The following RAB3C variants were observed in gnomAD, a reference collection of about 807,000 sequenced individuals.
RAB3C encodes the protein RAB3C, member RAS oncogene family.
A neutral mutation model predicts 26.4 loss-of-function variants in RAB3C; 17 were observed. The ratio of observed to expected loss-of-function variants is 0.64; its 90% CI spans 0.44 to 0.97. The LOEUF (loss-of-function observed/expected upper bound fraction) is 0.97, where lower values mean the gene tolerates loss of function less well. Ranked by LOEUF, RAB3C falls within the 50% of genes least tolerant of loss-of-function variation. RAB3C has a pLI of 0.00. For synonymous variants in RAB3C, 91 were observed against 95.9 expected (o/e 0.95, Z 0.30); for missense variants, 242 against 281.9 (o/e 0.86, Z 1.01).
intron 1 of RAB3C, among the ~76,000 whole-genome samples, chr5:58,616,422 G>A (rs1199630889): frequency 6.6e-6 from 1 of 152,136 alleles, no homozygotes; most frequent in Non-Finnish European, 1.5e-5. Context: ...AAACTGTGCT[G>A]AGCAAATGTA....
chr5:58,794,644 AC>A (rs540462779), intron 3 of RAB3C: 14 of 152,322 alleles, frequency 9.2e-5, no homozygotes, highest in African/African-American at 2.6e-4. Flanking sequence ...TATTAAAAAA[AC>A]ATTTATTAAG....
chr5:58,595,978 AACTT>A (rs916037776), intron 1 of RAB3C, among the ~76,000 whole-genome samples: 12 of 152,178 alleles, frequency 7.9e-5, no homozygotes, highest in Admixed American at 2.6e-4. Context: ...TAATGTTTTA[AACTT>A]ACTTTTGTTT....
chr5:58,824,973 T>G (rs1318603044), intron 3 of RAB3C, 65 bp from the exon 4 acceptor site: 2 of 1,140,334 alleles, frequency 1.8e-6, no homozygotes, highest in Non-Finnish European at 2.5e-6. Flanking sequence ...AATGTATTTC[T>G]TCTCCTTCAT....
chr5:58,693,825 C>T (rs1748629984), intron 2 of RAB3C, among the ~76,000 whole-genome samples: 1 of 152,204 alleles, frequency 6.6e-6, no homozygotes, highest in South Asian at 2.1e-4. Context: ...GAGAGCCCCT[C>T]TGAATGAAAA....
At chr5:58,811,099 T>C (rs144502879) in intron 3 of RAB3C, among the ~76,000 whole-genome samples, 219 of 152,338 alleles carry the variant, frequency 1.4e-3, no homozygotes, top group African/African-American at 5.0e-3. Flanking sequence ...TGATAAAGTA[T>C]ACTAGCAAAA....
At position 58,757,912 on chromosome 5, in the gene RAB3C, A is replaced by G. The variant is rs562149541; in HGVS notation, c.371+31792A>G. ...ACTTCAAGCAAAAGCTCCCCTACTT[A>G]TTTGTTTTTGTTGTTGTTGTTGTTT... On this transcript the variant is annotated intron_variant, in intron 3 of 4. Transcript: ENST00000282878. 7.8e-5 allele frequency among the ~76,000 whole-genome samples: 9 copies of G among 115,274 alleles called. No individual in the cohort carries two copies. The East Asian group carries it at 2.6e-3, about 33-fold the overall frequency. 75.6% of individuals were successfully genotyped at this position (115,274 alleles called of 152,430 possible).
At chr5:58,588,145 A>G (rs1266795703) in intron 1 of RAB3C, among the ~76,000 whole-genome samples, 2 of 152,178 alleles carry the variant, frequency 1.3e-5, no homozygotes, top group Non-Finnish European at 2.9e-5. Context: ...TGGGGATACT[A>G]AGAATAAGGC....
At chr5:58,837,098 C>A (rs775815846) in intron 4 of RAB3C, among the ~76,000 whole-genome samples, 29 of 152,092 alleles carry the variant, frequency 1.9e-4, no homozygotes, top group Admixed American at 4.6e-4. Context: ...ATAGATGATA[C>A]CTCACTGTGG....
chr5:58,644,262 A>T (rs1268028665), intron 2 of RAB3C: 1 of 152,256 alleles, frequency 6.6e-6, no homozygotes, highest in Non-Finnish European at 1.5e-5. Context: ...TATGGATTCT[A>T]CGAATTGGAT....
intron 2 of RAB3C, among the ~76,000 whole-genome samples, chr5:58,693,336 G>GTGTATATATATATATATATA (rs1554048065): frequency 8.9e-6 from 1 of 111,772 alleles, no homozygotes; most frequent in African/African-American, 3.7e-5. Flanking sequence ...ATATATATGT[G>GTGTATATATATATATATATA]TATATATATA....
intron 2 of RAB3C, among the ~76,000 whole-genome samples, chr5:58,666,808 C>G (rs554472173): frequency 6.6e-6 from 1 of 152,252 alleles, no homozygotes; most frequent in South Asian, 2.1e-4. Flanking sequence ...TGGGAGTTGA[C>G]TCAGAGGATA....
At chr5:58,645,172 G>A (rs560712950) in intron 2 of RAB3C, among the ~76,000 whole-genome samples, 1 of 152,300 alleles carries the variant, frequency 6.6e-6, no homozygotes, top group South Asian at 2.1e-4. Flanking sequence ...ATCATTCAGG[G>A]TCAAATGAGA....
At chr5:58,813,380 C>T (rs1170391183) in intron 3 of RAB3C, among the ~76,000 whole-genome samples, 1 of 151,854 alleles carries the variant, frequency 6.6e-6, no homozygotes, top group Non-Finnish European at 1.5e-5. Context: ...GCTAACTTAA[C>T]AGGACATTTA....
At chr5:58,682,656 C>CCTGGGCAA (rs1455004731) in intron 2 of RAB3C, among the ~76,000 whole-genome samples, 31 of 150,458 alleles carry the variant, frequency 2.1e-4, no homozygotes, top group Admixed American at 6.6e-4. Flanking sequence ...TGCACTCCAG[C>CCTGGGCAA]CTGGGCAACA....
chr5:58,589,667 A>C (rs1201993356), intron 1 of RAB3C, among the ~76,000 whole-genome samples: 1 of 152,186 alleles, frequency 6.6e-6, no homozygotes, highest in Non-Finnish European at 1.5e-5. Flanking sequence ...CATCCCTCCC[A>C]AAATTCTCCA....
chr5:58,668,643 A>T (rs1228747874), intron 2 of RAB3C, among the ~76,000 whole-genome samples: 1 of 152,194 alleles, frequency 6.6e-6, no homozygotes, highest in Non-Finnish European at 1.5e-5. Context: ...TAAAGACCTC[A>T]TAGTATCTAG....
At chr5:58,722,424 AG>A (rs1296682526) in intron 2 of RAB3C, among the ~76,000 whole-genome samples, 1 of 151,658 alleles carries the variant, frequency 6.6e-6, no homozygotes, top group African/African-American at 2.4e-5. Flanking sequence ...AAAAAAAAAA[AG>A]TGTGACCAAG....
chr5:58,794,460 C>G (rs980552858), intron 3 of RAB3C: 1 of 151,744 alleles, frequency 6.6e-6, no homozygotes, highest in African/African-American at 2.4e-5. Context: ...AGTTTCCCCC[C>G]GAAGCAGGCA....
chr5:58,717,270 A>T (rs185513290), intron 2 of RAB3C, among the ~76,000 whole-genome samples: 1 of 152,162 alleles, frequency 6.6e-6, no homozygotes, highest in South Asian at 2.1e-4. Flanking sequence ...TAGTACAATC[A>T]AAAGAGCAGT....
Sources: allele counts gnomAD v4.1 joint callset (sites outside exome capture counted in the v4.1 genomes callset), GRCh38; gene constraint gnomAD v4.1.1; transcripts MANE v1.5; gene names NCBI Gene and HGNC (gene_info 2026-07-23, HGNC 2026-07-21).